Variants in HLCS observed in about 807,000 individuals in gnomAD.
HLCS encodes the protein biotin--protein ligase.
In HLCS, 53 loss-of-function variants were observed where a neutral mutation model predicts 75.0. The ratio of observed to expected loss-of-function variants is 0.71; its 90% CI spans 0.57 to 0.89. The LOEUF is 0.89. Ranked by LOEUF, HLCS falls within the 40% of genes least tolerant of loss-of-function variation. The pLI is 0.00. For missense variants in HLCS, 966 were observed against 1,074.0 expected, an observed-to-expected ratio of 0.90 and a Z score of 1.41; for synonymous variants, 431 against 428.6, an observed-to-expected ratio of 1.01 and a Z score of -0.07.
intron 6 of HLCS, among the ~76,000 whole-genome samples, chr21:36,792,164 C>T (rs951481765): frequency 2.2e-4 from 33 of 152,036 alleles, no homozygotes; most frequent in African/African-American, 7.2e-4. Flanking sequence ...AACCAGGTGC[C>T]AATAGTGAAA....
intron 6 of HLCS, among the ~76,000 whole-genome samples, chr21:36,893,440 G>T (rs1180839517): frequency 6.6e-6 from 1 of 152,060 alleles, no homozygotes; most frequent in African/African-American, 2.4e-5. Flanking sequence ...CTGTTACCTA[G>T]AATTCTACAC....
intron 8 of HLCS, 45 bp downstream of exon 8, chr21:36,764,962 AGATTC>A: frequency 6.3e-7 from 1 of 1,592,894 alleles, no homozygotes; most frequent in Non-Finnish European, 8.6e-7. Flanking sequence ...AGAATAAGCC[AGATTC>A]TGCATGCATC....
chr21:36,819,813 G>C (rs896901401), intron 6 of HLCS, among the ~76,000 whole-genome samples: 1 of 152,094 alleles, frequency 6.6e-6, no homozygotes, highest in Non-Finnish European at 1.5e-5. Flanking sequence ...TAAAGAAACA[G>C]TGCAGGGGAA....
At chr21:36,852,184 A>C (rs1396006959) in intron 6 of HLCS, among the ~76,000 whole-genome samples, 2 of 152,284 alleles carry the variant, frequency 1.3e-5, no homozygotes, top group African/African-American at 4.8e-5. Context: ...TGAAGATCCC[A>C]AAGAAATTCC....
chr21:36,810,228 G>A (rs1259086194), intron 6 of HLCS, among the ~76,000 whole-genome samples: 2 of 152,172 alleles, frequency 1.3e-5, no homozygotes, highest in Non-Finnish European at 2.9e-5. Flanking sequence ...AAACTGTAGA[G>A]GTTTGGGATT....
intron 4 of HLCS, among the ~76,000 whole-genome samples, chr21:36,935,345 G>A (rs556650408): frequency 6.6e-6 from 1 of 152,242 alleles, no homozygotes; most frequent in East Asian, 1.9e-4. Flanking sequence ...AAGCATCTCT[G>A]CTTGAGTATT....
At position 36,764,029 on chromosome 21, in the gene HLCS, C is replaced by T. The variant is rs533943283; in HGVS notation, c.2121+983G>A. ...AAAGGTTTTTAGGTCCCCAAATAAC[C>T]CTTTTCAACAGAAAATGCAGATGAA... is the stretch of plus-strand genomic sequence containing the variant. On this transcript the variant is annotated intron_variant, in intron 8 of 10. Coordinates refer to ENST00000674895, the MANE Select transcript of HLCS (RefSeq NM_001352514.2). Among the ~76,000 whole-genome samples the T allele has an allele frequency of 4.2e-3, 633 of 152,260 alleles. 5 individuals are homozygous for T. The highest frequency in any genetic ancestry group is 0.02 in the Middle Eastern group (6 of 294).
chr21:36,953,081 G>A (rs753826283), intron 2 of HLCS, among the ~76,000 whole-genome samples: 10 of 152,250 alleles, frequency 6.6e-5, no homozygotes, highest in South Asian at 2.1e-4. Flanking sequence ...AAGTCGCCAC[G>A]TGAAATTTCT....
chr21:36,950,748 G>C (rs1007985224), intron 2 of HLCS, among the ~76,000 whole-genome samples: 13 of 152,014 alleles, frequency 8.6e-5, no homozygotes, highest in African/African-American at 3.1e-4. Context: ...TATGCCACTT[G>C]ACAGTTATAT....
rs768464276 is a variant in HLCS, at chr21:36,805,466, T to G, written c.1893-38181A>C. On this transcript the variant is annotated intron_variant, in intron 6 of 10. Coordinates refer to ENST00000674895, the MANE Select transcript of HLCS (RefSeq NM_001352514.2). ...ATGACCTCCCCAGCTCTGCGGCAGG[T>G]TAAGCAGCCTGATTGAACGTGGCTG... 3.5e-3 allele frequency among the ~76,000 whole-genome samples: 528 copies of G among 152,250 alleles called. 2 individuals are homozygous for G. Among genetic ancestry groups the G allele is most frequent in the Non-Finnish European group, 5.8e-3 (392 of 67,984 alleles).
chr21:36,864,974 T>A (rs2063505616), intron 6 of HLCS, among the ~76,000 whole-genome samples: 1 of 152,184 alleles, frequency 6.6e-6, no homozygotes, highest in Non-Finnish European at 1.5e-5. Flanking sequence ...AAGTGTTTTT[T>A]AAAATCTTGT....
intron 5 of HLCS, among the ~76,000 whole-genome samples, chr21:36,902,220 T>C (rs1481748196): frequency 2.0e-5 from 3 of 152,068 alleles, no homozygotes; most frequent in Non-Finnish European, 4.4e-5. Flanking sequence ...TAGAGAGGAA[T>C]GGGGCAGTGG....
intron 6 of HLCS, among the ~76,000 whole-genome samples, chr21:36,863,346 G>A (rs896141696): frequency 9.2e-5 from 14 of 152,140 alleles, no homozygotes; most frequent in Non-Finnish European, 2.1e-4. Context: ...CCGATCCACT[G>A]AGAAGGAATC....
At chr21:36,917,536 A>C (rs549996660) in intron 5 of HLCS, among the ~76,000 whole-genome samples, 1 of 152,320 alleles carries the variant, frequency 6.6e-6, no homozygotes, top group Non-Finnish European at 1.5e-5. Flanking sequence ...TGAAAAACAC[A>C]CAAGTCTTAA....
intron 6 of HLCS, among the ~76,000 whole-genome samples, chr21:36,769,097 G>C (rs1243377318): frequency 1.3e-5 from 2 of 152,202 alleles, no homozygotes; most frequent in African/African-American, 4.8e-5. Context: ...CAGGAAAAAG[G>C]TTGGTTCAGA....
chr21:36,969,582 T>G (rs1448432869), upstream of HLCS: 1 of 21,134 alleles, frequency 4.7e-5, no homozygotes, highest in Non-Finnish European at 1.1e-4. Flanking sequence ...AGACTAGGGA[T>G]TTTTTTTTTT....
At chr21:36,792,349 C>G (rs548101176) in intron 6 of HLCS, among the ~76,000 whole-genome samples, 8 of 151,878 alleles carry the variant, frequency 5.3e-5, no homozygotes, top group Non-Finnish European at 1.2e-4. Context: ...GTGGTCAGAG[C>G]AGAAGTAGCA....
intron 1 of HLCS, among the ~76,000 whole-genome samples, chr21:36,984,047 C>A (rs1397623377): frequency 3.3e-5 from 5 of 152,030 alleles, no homozygotes; most frequent in Admixed American, 6.6e-5. Context: ...CTATGTTGCC[C>A]AGGCTGGTCT....
chr21:36,869,194 G>A (rs1392680872), intron 6 of HLCS, among the ~76,000 whole-genome samples: 6 of 151,780 alleles, frequency 4.0e-5, no homozygotes, highest in South Asian at 2.1e-4. Context: ...GTGCGATCTC[G>A]GCTCACTGCA....
Sources: allele counts gnomAD v4.1 joint callset (sites outside exome capture counted in the v4.1 genomes callset), GRCh38; gene constraint gnomAD v4.1.1; transcripts MANE v1.5; gene names NCBI Gene and HGNC (gene_info 2026-07-23, HGNC 2026-07-21).